The following LHFPL3 variants were observed in gnomAD, a reference collection of about 807,000 sequenced individuals.
LHFPL3 encodes the protein LHFPL tetraspan subfamily member 3.
Under a neutral mutation model 19.3 loss-of-function variants are expected in LHFPL3, and 5 were observed. The ratio of observed to expected loss-of-function variants is 0.26; its 90% CI spans 0.14 to 0.54. The LOEUF (loss-of-function observed/expected upper bound fraction) is 0.54. Ranked by LOEUF, LHFPL3 falls within the 20% of genes least tolerant of loss-of-function variation. The pLI, the probability that LHFPL3 is intolerant of heterozygous loss-of-function variation, is 0.94. For missense variants in LHFPL3, 249 were observed against 307.4 expected, an observed-to-expected ratio of 0.81 and a Z score of 1.42; for synonymous variants, 133 against 126.2, an observed-to-expected ratio of 1.05 and a Z score of -0.36.
chr7:104,622,564 TC>T (rs1298239061), intron 1 of LHFPL3, among the ~76,000 whole-genome samples: 2 of 152,040 alleles, frequency 1.3e-5, no homozygotes, highest in African/African-American at 4.8e-5. Flanking sequence ...TTAATCTCCA[TC>T]CCCCCCAAAA....
At position 104,858,811 on chromosome 7, in the gene LHFPL3, T is replaced by C. The variant is rs570439939; in HGVS notation, c.683-47376T>C. On this transcript the variant is annotated intron_variant, in intron 2 of 2. Transcript: ENST00000424859. ...TTCGAGTCTGTCAATTACTTTTTTT[T>C]CTCCACATTGGAGTACTTTCTCCCA... 1.6e-4 allele frequency among the ~76,000 whole-genome samples: 24 copies of C among 152,310 alleles called. No individual in the cohort carries two copies. The East Asian group carries it at 2.9e-3, about 18-fold the overall frequency.
At chr7:104,649,569 A>T (rs1034789862) in intron 1 of LHFPL3, among the ~76,000 whole-genome samples, 3 of 152,222 alleles carry the variant, frequency 2.0e-5, no homozygotes, top group African/African-American at 7.2e-5. Context: ...GGAGCAGGAG[A>T]CCAGCCCAGA....
At chr7:104,752,927 T>G (rs1043124657) in intron 2 of LHFPL3, 3 of 335,018 alleles carry the variant, frequency 9.0e-6, no homozygotes, top group Admixed American at 9.6e-5. Context: ...TACATCAGTG[T>G]GGTCCAGTTA....
intron 1 of LHFPL3, among the ~76,000 whole-genome samples, chr7:104,471,123 A>C (rs542529206): frequency 6.6e-6 from 1 of 152,194 alleles, no homozygotes; most frequent in Non-Finnish European, 1.5e-5. Context: ...TTACTAATAC[A>C]TGAAAAAGAC....
intron 2 of LHFPL3, among the ~76,000 whole-genome samples, chr7:104,870,097 G>C (rs59335487): frequency 4.6e-5 from 7 of 151,110 alleles, no homozygotes; most frequent in East Asian, 1.9e-4. Context: ...GCTGTGGGGT[G>C]GGGGGACGGG....
chr7:104,489,709 G>A (rs890892781), intron 1 of LHFPL3, among the ~76,000 whole-genome samples: 1 of 151,954 alleles, frequency 6.6e-6, no homozygotes, highest in African/African-American at 2.4e-5. Flanking sequence ...AAAAGTGTGA[G>A]GACAGGGAAC....
intron 1 of LHFPL3, among the ~76,000 whole-genome samples, chr7:104,665,649 T>A (rs1253631830): frequency 3.9e-5 from 6 of 152,238 alleles, no homozygotes; most frequent in Non-Finnish European, 8.8e-5. Flanking sequence ...ACCTTGTTCA[T>A]AACTTGTCTG....
chr7:104,469,572 A>T (rs1336006009), intron 1 of LHFPL3, among the ~76,000 whole-genome samples: 1 of 152,192 alleles, frequency 6.6e-6, no homozygotes, highest in Non-Finnish European at 1.5e-5. Context: ...CACACAACTG[A>T]GGCAGCTAAA....
At chr7:104,353,138 T>C (rs1790211111) in intron 1 of LHFPL3, among the ~76,000 whole-genome samples, 1 of 152,210 alleles carries the variant, frequency 6.6e-6, no homozygotes, top group African/African-American at 2.4e-5. Context: ...AAACCAGACA[T>C]TTTATTCATT....
intron 1 of LHFPL3, among the ~76,000 whole-genome samples, chr7:104,613,436 T>C (rs529954454): frequency 6.6e-6 from 1 of 152,308 alleles, no homozygotes; most frequent in African/African-American, 2.4e-5. Flanking sequence ...GCTGTTTAAA[T>C]GCTGCTATGA....
At chr7:104,574,463 G>A (rs1790285097) in intron 1 of LHFPL3, among the ~76,000 whole-genome samples, 1 of 152,200 alleles carries the variant, frequency 6.6e-6, no homozygotes, top group South Asian at 2.1e-4. Flanking sequence ...CATTTTTGAA[G>A]TAAGAATTTT....
intron 1 of LHFPL3, among the ~76,000 whole-genome samples, chr7:104,509,035 C>A (rs1793759825): frequency 6.6e-6 from 1 of 151,816 alleles, no homozygotes; most frequent in South Asian, 2.1e-4. Flanking sequence ...ACACAAATGA[C>A]CACAACTCAA....
intron 1 of LHFPL3, among the ~76,000 whole-genome samples, chr7:104,421,046 C>T (rs2116533669): frequency 6.6e-6 from 1 of 152,102 alleles, no homozygotes; most frequent in South Asian, 2.1e-4. Flanking sequence ...AGGTTGTGGT[C>T]CTTGCTATTT....
chr7:104,862,628 T>C (rs967442656), intron 2 of LHFPL3, among the ~76,000 whole-genome samples: 2 of 250 alleles, frequency 8.0e-3, no homozygotes, highest in South Asian at 0.5. Context: ...TATAAGCCGC[T>C]GGTCCCGCAG....
intron 1 of LHFPL3, among the ~76,000 whole-genome samples, chr7:104,362,497 A>G (rs893743267): frequency 6.6e-6 from 1 of 152,214 alleles, no homozygotes; most frequent in Non-Finnish European, 1.5e-5. Flanking sequence ...ATTTTATTAT[A>G]AATGTTATAA....
intron 1 of LHFPL3, among the ~76,000 whole-genome samples, chr7:104,343,117 T>A (rs1041244120): frequency 6.6e-6 from 1 of 152,134 alleles, no homozygotes; most frequent in Admixed American, 6.5e-5. Context: ...GTCTCACTTA[T>A]AATTCTTCGT....
At chr7:104,755,250 G>A (rs1794260293) in intron 2 of LHFPL3, among the ~76,000 whole-genome samples, 1 of 151,986 alleles carries the variant, frequency 6.6e-6, no homozygotes, top group Non-Finnish European at 1.5e-5. Flanking sequence ...TGGAGTCTCT[G>A]CTATGTCACA....
At chr7:104,474,681 C>CAAAAAAAAAAAAAAAAA (rs1295318624) in intron 1 of LHFPL3, among the ~76,000 whole-genome samples, 1 of 59,146 alleles carries the variant, frequency 1.7e-5, no homozygotes, top group African/African-American at 6.9e-5. Context: ...ACAACAACAA[C>CAAAAAAAAAAAAAAAAA]AACAACAAAA....
intron 2 of LHFPL3, among the ~76,000 whole-genome samples, chr7:104,755,709 T>G (rs1013637009): frequency 6.6e-6 from 1 of 152,138 alleles, no homozygotes; most frequent in Non-Finnish European, 1.5e-5. Flanking sequence ...TGTTTGTTTG[T>G]TTTGAGATGG....
Sources: allele counts gnomAD v4.1 joint callset (sites outside exome capture counted in the v4.1 genomes callset), GRCh38; gene constraint gnomAD v4.1.1; transcripts MANE v1.5; gene names NCBI Gene and HGNC (gene_info 2026-07-23, HGNC 2026-07-21).